The following SASH1 variants were observed in gnomAD, a reference collection of about 807,000 sequenced individuals.
SASH1 encodes the protein SAM and SH3 domain-containing protein 1.
Under a neutral mutation model 125.2 loss-of-function variants are expected in SASH1, and 44 were observed. The observed-to-expected ratio is 0.35, with a 90% CI of 0.28 to 0.45. SASH1 has a LOEUF of 0.45. Ranked by LOEUF, SASH1 falls within the 20% of genes least tolerant of loss-of-function variation. The pLI is 1.00. For synonymous variants in SASH1, 639 were observed against 649.1 expected (o/e 0.98, Z 0.24); for missense variants, 1,426 against 1,614.5 (o/e 0.88, Z 2.00).
chr6:148,331,423 G>A (rs959723703), intron 1 of SASH1, among the ~76,000 whole-genome samples: 11 of 152,122 alleles, frequency 7.2e-5, no homozygotes, highest in African/African-American at 2.4e-4. Flanking sequence ...TCTGCCTCCC[G>A]GGTTCAAGTG....
chr6:148,292,382 C>T (rs895290574), intron 1 of SASH1, among the ~76,000 whole-genome samples: 5 of 152,168 alleles, frequency 3.3e-5, no homozygotes, highest in African/African-American at 1.2e-4. Flanking sequence ...GCCCTACCTG[C>T]TTTATCCTGG....
chr6:148,424,095 G>T (rs1249507450), intron 2 of SASH1, among the ~76,000 whole-genome samples: 1 of 151,966 alleles, frequency 6.6e-6, no homozygotes, highest in Non-Finnish European at 1.5e-5. Context: ...TCCACATGTT[G>T]TAAGTAATTT....
the SASH1 span, among the ~76,000 whole-genome samples, chr6:148,226,632 T>C: frequency 2.0e-5 from 3 of 152,296 alleles, no homozygotes; most frequent in South Asian, 2.1e-4. Flanking sequence ...GAATATAGTT[T>C]TCTCTCTTCT....
At chr6:148,240,732 A>G in the SASH1 span, among the ~76,000 whole-genome samples, 2 of 152,190 alleles carry the variant, frequency 1.3e-5, no homozygotes, top group African/African-American at 4.8e-5. Flanking sequence ...GCTTTTCAAC[A>G]TGATAAAGAG....
chr6:148,312,621 C>G (rs944211800), intron 1 of SASH1, among the ~76,000 whole-genome samples: 1 of 152,122 alleles, frequency 6.6e-6, no homozygotes, highest in African/African-American at 2.4e-5. Context: ...TTAGAAATAC[C>G]CATTTCCTCA....
intron 1 of SASH1, among the ~76,000 whole-genome samples, chr6:148,327,284 TTTC>T (rs1315600604): frequency 2.0e-5 from 3 of 150,560 alleles, no homozygotes; most frequent in African/African-American, 7.3e-5. Flanking sequence ...ACAATATAAA[TTTC>T]TTTTTTTTTT....
upstream of SASH1, chr6:148,342,481 TCTC>T (rs974158278): frequency 6.6e-6 from 1 of 152,128 alleles, no homozygotes; most frequent in Non-Finnish European, 1.5e-5. Flanking sequence ...GGCGATTTGT[TCTC>T]CTGTCCGAGG....
intron 1 of SASH1, among the ~76,000 whole-genome samples, chr6:148,370,838 A>C (rs1466389554): frequency 6.6e-6 from 1 of 152,134 alleles, no homozygotes; most frequent in Non-Finnish European, 1.5e-5. Context: ...AACAAAAGAC[A>C]AAACAAAAAA....
At chr6:148,340,667 A>G (rs1242897853), upstream of SASH1, among the ~76,000 whole-genome samples, 2 of 152,222 alleles carry the variant, frequency 1.3e-5, no homozygotes, top group African/African-American at 4.8e-5. Context: ...TATTCAAAGT[A>G]TCACAGAGCA....
intron 10 of SASH1, among the ~76,000 whole-genome samples, chr6:148,523,534 C>T (rs1780939111): frequency 1.3e-5 from 2 of 152,032 alleles, no homozygotes; most frequent in South Asian, 4.1e-4. Flanking sequence ...AGGATAATGT[C>T]TATTAGAAAA....
Position 148,390,302 on chromosome 6 carries a change from C to G in SASH1, c.285+40C>G, listed in dbSNP as rs1237131346. 5.6e-6 allele frequency: 9 copies of G among 1,593,804 alleles called. No individual in the cohort carries two copies. In the East Asian group the frequency reaches 2.0e-4, roughly 36 times the overall value. ...TGGGAATATGCTTCTGTGAGCAGAG[C>G]TGCTCCAATTTGGGCTTTTCCTTGG... On this transcript the variant is annotated intron_variant, in intron 2 of 19. Coordinates refer to ENST00000367467, the MANE Select transcript of SASH1 (RefSeq NM_015278.5).
At chr6:148,447,545 C>T (rs1309872324) in intron 4 of SASH1, among the ~76,000 whole-genome samples, 1 of 152,180 alleles carries the variant, frequency 6.6e-6, no homozygotes, top group African/African-American at 2.4e-5. Context: ...TGCAGTCCCT[C>T]CAACTCCCTG....
At chr6:148,327,914 C>G (rs1395795124) in intron 1 of SASH1, among the ~76,000 whole-genome samples, 1 of 145,290 alleles carries the variant, frequency 6.9e-6, no homozygotes, top group Non-Finnish European at 1.5e-5. Context: ...GCACTCCAGC[C>G]TGGGTGACAG....
chr6:148,519,231 A>C lies in SASH1; in HGVS notation c.863-316A>C, dbSNP rs577668569. The stretch of plus-strand genomic sequence containing the variant: ...GTTGCATTTACAAACTGCAGAGGGC[A>C]TTATCTCGAAATGCTAAGGCATATT... On this transcript the variant is annotated intron_variant, in intron 9 of 19. Transcript: ENST00000367467. This position sits in a 1 kb window ranked among gnomAD's most constrained non-coding sequence, Gnocchi z 4.8. 6.6e-6 allele frequency among the ~76,000 whole-genome samples: 1 copy of C among 152,348 alleles called. No homozygotes were observed. The highest frequency in any genetic ancestry group is 2.1e-4 in the South Asian group (1 of 4,824).
At chr6:148,244,435 T>C in the SASH1 span, among the ~76,000 whole-genome samples, 1 of 152,304 alleles carries the variant, frequency 6.6e-6, no homozygotes, top group East Asian at 1.9e-4. Context: ...CATGCACATA[T>C]TGATGGATGA....
intron 2 of SASH1, among the ~76,000 whole-genome samples, chr6:148,407,479 A>G (rs1583102837): frequency 6.6e-6 from 1 of 152,144 alleles, no homozygotes; most frequent in African/African-American, 2.4e-5. Flanking sequence ...TTATCCACCA[A>G]CAGCCAGTTG....
intron 1 of SASH1, among the ~76,000 whole-genome samples, chr6:148,363,465 G>A (rs1782328550): frequency 1.3e-5 from 2 of 151,806 alleles, no homozygotes; most frequent in South Asian, 2.1e-4. Context: ...GCAGTGGCAC[G>A]ATCTTCGCTC....
intron 4 of SASH1, among the ~76,000 whole-genome samples, chr6:148,454,308 A>T (rs1213208780): frequency 6.6e-6 from 1 of 152,188 alleles, no homozygotes. Context: ...CAGCTATAGC[A>T]GGGCCCCATG....
chr6:148,271,796 G>T (rs1779069466), upstream of SASH1, among the ~76,000 whole-genome samples: 1 of 152,162 alleles, frequency 6.6e-6, no homozygotes, highest in African/African-American at 2.4e-5. Context: ...ATTTCTGGAA[G>T]TTTCTCTGTG....
Sources: gnomAD v4.1 joint callset for allele counts (sites outside exome capture counted in the v4.1 genomes callset) on GRCh38, gnomAD v4.1.1 for gene constraint, Gnocchi (gnomAD v3.1) non-coding constraint, MANE v1.5 for transcripts, NCBI Gene and HGNC (gene_info 2026-07-23, HGNC 2026-07-21) for gene names.